Variants in FBN2 observed in about 807,000 individuals in gnomAD.
The protein encoded by FBN2 is fibrillin-2.
Under a neutral mutation model 355.6 loss-of-function variants are expected in FBN2, and 105 were observed. The ratio of observed to expected loss-of-function variants is 0.30; its 90% CI spans 0.25 to 0.35. The LOEUF (loss-of-function observed/expected upper bound fraction) is 0.35, where lower values mean the gene tolerates loss of function less well. FBN2 is among the 10% of genes least tolerant of loss of function. The probability of loss-of-function intolerance (pLI) is 1.00; values close to 1 mark genes in which losing one functional copy is unlikely to be tolerated. For missense variants in FBN2, 3,280 were observed against 3,758.7 expected (o/e 0.87, Z 3.33); for synonymous variants, 1,350 against 1,301.2 (o/e 1.04, Z -0.81).
rs547105642 is a variant in FBN2 at position 128,334,543 on chromosome 5, C to A, written c.4099+176G>T. Among the ~76,000 whole-genome samples, 139 of 152,248 alleles carry A rather than the reference C, an allele frequency of 9.1e-4. 1 individual carries two copies. The Middle Eastern group carries it at 0.027, about 30-fold the overall frequency. On this transcript the variant is annotated intron_variant, in intron 31 of 64. Coordinates refer to ENST00000262464, the MANE Select transcript of FBN2 (RefSeq NM_001999.4). The stretch of plus-strand genomic sequence containing the variant: ...GGTGGGTGGCTCAGACAGCGTGCTA[C>A]CACAGAGACCAGCCAAATCCATCAC...
intron 5 of FBN2, among the ~76,000 whole-genome samples, chr5:128,505,100 C>A (rs1459716610): frequency 6.6e-6 from 1 of 152,158 alleles, no homozygotes; most frequent in East Asian, 1.9e-4. Context: ...TTGCCTTCTG[C>A]CGTGATTGTG....
At chr5:128,370,523 T>C (rs938204147) in intron 15 of FBN2, among the ~76,000 whole-genome samples, 22 of 152,290 alleles carry the variant, frequency 1.4e-4, no homozygotes, top group Admixed American at 5.2e-4. Context: ...TCAGAGAAAC[T>C]TGTGCTGCCT....
At chr5:128,386,414 G>C (rs77050147) in intron 11 of FBN2, among the ~76,000 whole-genome samples, 9,682 of 152,136 alleles carry the variant, frequency 0.064, 405 homozygotes, top group Non-Finnish European at 0.088. Context: ...GTACTGTTTT[G>C]GTAGCTGTTG....
intron 5 of FBN2, among the ~76,000 whole-genome samples, chr5:128,472,392 A>C (rs992163812): frequency 6.6e-6 from 1 of 152,024 alleles, no homozygotes; most frequent in African/African-American, 2.4e-5. Flanking sequence ...TGTTTGTTTG[A>C]GGGGTAAGGA....
In FBN2 at chr5:128,349,342, C is replaced by T; in HGVS notation, c.2989+5G>A. 6.2e-7 allele frequency: 1 copy of T among 1,614,062 alleles called. No individual in the cohort carries two copies. Among genetic ancestry groups the T allele is most frequent in the Non-Finnish European group, 8.5e-7 (1 of 1,180,028 alleles). ...ACATAGAATACATGAGGGTGTGAAT[C>T]TTACCCAAACATACACGGCCAGTCC... On this transcript the variant is annotated splice_donor_5th_base_variant and intron_variant, in intron 23 of 64. Transcript: ENST00000262464.
chr5:128,401,810 G>A (rs1349394739), intron 8 of FBN2, among the ~76,000 whole-genome samples: 1 of 152,044 alleles, frequency 6.6e-6, no homozygotes, highest in Non-Finnish European at 1.5e-5. Context: ...AATAACCATT[G>A]TTCTACACAG....
intron 34 of FBN2, among the ~76,000 whole-genome samples, chr5:128,326,670 G>A (rs1286198428): frequency 6.6e-6 from 1 of 152,182 alleles, no homozygotes; most frequent in Non-Finnish European, 1.5e-5. Flanking sequence ...GTGGAGAGGA[G>A]AGAAAAACAA....
chr5:128,315,506 A>C (rs1750176935), intron 36 of FBN2, among the ~76,000 whole-genome samples: 2 of 152,352 alleles, frequency 1.3e-5, no homozygotes, highest in East Asian at 3.9e-4. Context: ...AAACATTAAC[A>C]GTTCATGATT....
At chr5:128,511,515 T>C (rs1482360667) in intron 5 of FBN2, among the ~76,000 whole-genome samples, 1 of 152,192 alleles carries the variant, frequency 6.6e-6, no homozygotes, top group East Asian at 1.9e-4. Flanking sequence ...GAATCCCCCA[T>C]GTTTATGCAG....
At chr5:128,368,448 A>ATGTG (rs1751837173) in intron 16 of FBN2, among the ~76,000 whole-genome samples, 1 of 125,522 alleles carries the variant, frequency 8.0e-6, no homozygotes, top group Non-Finnish European at 1.7e-5. Context: ...ATATATACAT[A>ATGTG]TATATACACA....
At chr5:128,485,541 AT>A (rs200414860) in intron 5 of FBN2, among the ~76,000 whole-genome samples, 3,548 of 152,276 alleles carry the variant, frequency 0.023, 137 homozygotes, top group African/African-American at 0.082. Flanking sequence ...TCAATGTTGA[AT>A]GAAAACAGCA....
intron 39 of FBN2, among the ~76,000 whole-genome samples, chr5:128,311,030 C>A (rs542713360): frequency 3.9e-5 from 6 of 152,150 alleles, no homozygotes; most frequent in African/African-American, 1.4e-4. Context: ...TAATAACTTA[C>A]TTAATATTTT....
chr5:128,495,360 A>G (rs1755627505), intron 5 of FBN2, among the ~76,000 whole-genome samples: 2 of 152,168 alleles, frequency 1.3e-5, no homozygotes, highest in Admixed American at 1.3e-4. Flanking sequence ...GAAATACCAG[A>G]GGAAGAGGAG....
chr5:128,500,132 T>G (rs1239207733), intron 5 of FBN2, among the ~76,000 whole-genome samples: 1 of 152,030 alleles, frequency 6.6e-6, no homozygotes, highest in Non-Finnish European at 1.5e-5. Context: ...TAGATAGATT[T>G]CAGGTCAAAA....
chr5:128,450,858 T>C (rs1754219873), intron 6 of FBN2, among the ~76,000 whole-genome samples: 1 of 152,140 alleles, frequency 6.6e-6, no homozygotes, highest in South Asian at 2.1e-4. Flanking sequence ...AATAGATTTA[T>C]TAATGCTATA....
At chr5:128,436,666 TAAAAA>T (rs954029413) in intron 7 of FBN2, among the ~76,000 whole-genome samples, 1 of 138,022 alleles carries the variant, frequency 7.2e-6, no homozygotes, top group African/African-American at 2.6e-5. Flanking sequence ...TGGCTCCACT[TAAAAA>T]AAAAAAAAAA....
chr5:128,352,051 T>C (rs1369921196), intron 20 of FBN2, among the ~76,000 whole-genome samples: 1 of 152,196 alleles, frequency 6.6e-6, no homozygotes, highest in East Asian at 1.9e-4. Flanking sequence ...TGTTCTGTTA[T>C]GCAAAGGCCA....
chr5:128,392,203 T>A, intron 10 of FBN2, 48 bp from the exon 11 acceptor site: 1 of 1,538,154 alleles, frequency 6.5e-7, no homozygotes, highest in Non-Finnish European at 9.0e-7. Context: ...CAACATGCAT[T>A]ACTTTTCTGA....
At chr5:128,337,972 T>A (rs1750890616) in intron 27 of FBN2, 25 bp downstream of exon 27, 1 of 1,613,362 alleles carries the variant, frequency 6.2e-7, no homozygotes, top group Non-Finnish European at 8.5e-7. Flanking sequence ...CTGGGCAGGT[T>A]TATGTGCTGA....
Sources: gnomAD v4.1 joint callset for allele counts (sites outside exome capture counted in the v4.1 genomes callset) on GRCh38, gnomAD v4.1.1 for gene constraint, MANE v1.5 for transcripts, NCBI Gene and HGNC (gene_info 2026-07-23, HGNC 2026-07-21) for gene names.